HS3ST4: variants seen among roughly 807,000 people sequenced by gnomAD.
The protein encoded by HS3ST4 is heparan sulfate-glucosamine 3-sulfotransferase 4.
HS3ST4 carries 17 observed loss-of-function variants against 29.2 expected under a neutral mutation model. That is an observed-to-expected ratio of 0.58 (90% confidence interval 0.40 to 0.87). The LOEUF (loss-of-function observed/expected upper bound fraction) is 0.87, where lower values mean the gene tolerates loss of function less well. Among genes scored for constraint, HS3ST4 ranks in the 40% least tolerant of loss-of-function variants. The pLI is 0.00. For synonymous variants in HS3ST4, 314 were observed against 285.7 expected (o/e 1.10, Z -1.00); for missense variants, 627 against 634.5 (o/e 0.99, Z 0.13).
intron 1 of HS3ST4, among the ~76,000 whole-genome samples, chr16:26,040,452 T>G (rs1004470285): frequency 1.3e-5 from 2 of 152,076 alleles, no homozygotes; most frequent in African/African-American, 4.8e-5. Flanking sequence ...TACAGGCGCA[T>G]GCCAACACGC....
intron 1 of HS3ST4, among the ~76,000 whole-genome samples, chr16:25,985,421 C>A (rs570558846): frequency 1.6e-4 from 25 of 152,206 alleles, no homozygotes; most frequent in African/African-American, 4.6e-4. Flanking sequence ...ACAAAAATAT[C>A]CCAGAGATGC....
chr16:25,824,433 A>T (rs1967196273), intron 1 of HS3ST4, among the ~76,000 whole-genome samples: 1 of 152,188 alleles, frequency 6.6e-6, no homozygotes, highest in Admixed American at 6.6e-5. Flanking sequence ...ATGGCTTTGG[A>T]GGCCTCACAG....
At chr16:25,947,384 C>T (rs145916518) in intron 1 of HS3ST4, among the ~76,000 whole-genome samples, 21 of 152,258 alleles carry the variant, frequency 1.4e-4, no homozygotes, top group South Asian at 8.3e-4. Context: ...CAACCCCCTC[C>T]GCAAAAACTC....
At position 25,692,818 on chromosome 16, in the gene HS3ST4, G is replaced by A; in HGVS notation, c.401G>A (p.Gly134Asp). 2.2e-6 allele frequency: 3 copies of A among 1,385,346 alleles called. No individual in the cohort carries two copies. The highest frequency in any genetic ancestry group is 2.8e-6 in the Non-Finnish European group (3 of 1,078,248). The allele number at this position is 1,385,346 out of a possible 1,614,324, so 85.8% of individuals were successfully genotyped here. A position where few individuals can be genotyped will look rare whatever the true frequency, so the allele number is the denominator to read the frequency against. ...TGGGGGCTGCCGAGCGGCGGCGGAGGCGCCCAGGACGCCTGGCTCCGGACC... is the reference window on the plus strand; with the variant it reads ...TGGGGGCTGCCGAGCGGCGGCGGAGACGCCCAGGACGCCTGGCTCCGGACC... ...DGWGLPSGGG[G>D]AQDAWLRTPL... The change falls in exon 1 of 2, where the codon GGC (glycine) becomes GAC (aspartate). Residue 134 changes from glycine (G) to aspartate (D), a missense_variant. Transcript: ENST00000331351.
chr16:26,010,262 G>A (rs556538646), intron 1 of HS3ST4, among the ~76,000 whole-genome samples: 2 of 152,036 alleles, frequency 1.3e-5, no homozygotes, highest in South Asian at 2.1e-4. Context: ...GAGACCAGTC[G>A]GGCCAACATG....
intron 1 of HS3ST4, among the ~76,000 whole-genome samples, chr16:25,798,728 C>A (rs190270464): frequency 6.6e-6 from 1 of 152,284 alleles, no homozygotes; most frequent in Admixed American, 6.5e-5. Context: ...GAATTTTAAG[C>A]ACTGGCAGTT....
At chr16:26,135,116 G>A (rs1898262256) in intron 1 of HS3ST4, among the ~76,000 whole-genome samples, 4 of 152,016 alleles carry the variant, frequency 2.6e-5, no homozygotes, top group Admixed American at 2.6e-4. Context: ...TCCTGGACTA[G>A]ATAAGCTTTG....
At chr16:26,080,585 G>A (rs1036787501) in intron 1 of HS3ST4, among the ~76,000 whole-genome samples, 1 of 152,088 alleles carries the variant, frequency 6.6e-6, no homozygotes, top group African/African-American at 2.4e-5. Context: ...CACCAGTGTG[G>A]GCAACGGAAA....
At chr16:25,766,288 A>G (rs765843168) in intron 1 of HS3ST4, among the ~76,000 whole-genome samples, 2 of 152,188 alleles carry the variant, frequency 1.3e-5, no homozygotes, top group African/African-American at 4.8e-5. Flanking sequence ...GAGGCATGGA[A>G]TAAAGTTAGC....
intron 1 of HS3ST4, among the ~76,000 whole-genome samples, chr16:25,730,714 T>G (rs1210744721): frequency 6.7e-6 from 1 of 148,874 alleles, no homozygotes; most frequent in African/African-American, 2.5e-5. Flanking sequence ...CCTTCCGTCC[T>G]TCCTTCCTTC....
At chr16:26,118,858 G>A (rs1377924059) in intron 1 of HS3ST4, among the ~76,000 whole-genome samples, 1 of 152,096 alleles carries the variant, frequency 6.6e-6, no homozygotes, top group South Asian at 2.1e-4. Context: ...ACCATATAGG[G>A]CTCGTAATCC....
intron 1 of HS3ST4, among the ~76,000 whole-genome samples, chr16:26,019,125 C>T (rs950035841): frequency 6.6e-6 from 1 of 152,072 alleles, no homozygotes; most frequent in African/African-American, 2.4e-5. Context: ...GCCAGTTACT[C>T]GTCTTTTCTC....
At chr16:25,881,357 A>G (rs1249131760) in intron 1 of HS3ST4, among the ~76,000 whole-genome samples, 3 of 152,192 alleles carry the variant, frequency 2.0e-5, no homozygotes, top group Non-Finnish European at 4.4e-5. Context: ...AAAAAGTTCT[A>G]TGTCTAAGGA....
intron 1 of HS3ST4, among the ~76,000 whole-genome samples, chr16:26,021,547 C>G (rs1019613307): frequency 1.3e-4 from 20 of 152,258 alleles, no homozygotes; most frequent in African/African-American, 4.8e-4. Flanking sequence ...CAACAGAGAC[C>G]CACAGAGATG....
At chr16:25,995,863 T>C (rs1473690774) in intron 1 of HS3ST4, among the ~76,000 whole-genome samples, 1 of 152,116 alleles carries the variant, frequency 6.6e-6, no homozygotes, top group Non-Finnish European at 1.5e-5. Context: ...ACAATAAATG[T>C]GAGTTATTAT....
intron 1 of HS3ST4, among the ~76,000 whole-genome samples, chr16:26,109,036 A>G (rs1268024808): frequency 6.6e-6 from 1 of 152,066 alleles, no homozygotes; most frequent in Non-Finnish European, 1.5e-5. Context: ...ATACAGGAAC[A>G]AACATGTTGA....
intron 1 of HS3ST4, among the ~76,000 whole-genome samples, chr16:26,036,482 G>A (rs562591020): frequency 6.6e-6 from 1 of 152,302 alleles, no homozygotes; most frequent in South Asian, 2.1e-4. Flanking sequence ...GTCTGTATCA[G>A]ATCTCCTGGT....
chr16:25,916,495 T>C (rs541480411), intron 1 of HS3ST4, among the ~76,000 whole-genome samples: 196 of 151,942 alleles, frequency 1.3e-3, no homozygotes, highest in Non-Finnish European at 2.2e-3. Flanking sequence ...ACCGAGTAGC[T>C]GGGATTACAG....
intron 1 of HS3ST4, among the ~76,000 whole-genome samples, chr16:25,773,455 T>A (rs567119185): frequency 6.6e-6 from 1 of 152,182 alleles, no homozygotes; most frequent in Non-Finnish European, 1.5e-5. Flanking sequence ...CCCTAATAGA[T>A]GAAAAGCTCC....
Sources: allele counts gnomAD v4.1 joint callset (sites outside exome capture counted in the v4.1 genomes callset), GRCh38; gene constraint gnomAD v4.1.1; transcripts MANE v1.5; gene names NCBI Gene and HGNC (gene_info 2026-07-23, HGNC 2026-07-21).